The following JPH1 variants were observed in gnomAD, a reference collection of about 807,000 sequenced individuals.
JPH1 encodes junctophilin-1.
Under a neutral mutation model 53.6 loss-of-function variants are expected in JPH1, and 12 were observed. That is an observed-to-expected ratio of 0.22 (90% CI 0.14 to 0.36). JPH1 has a LOEUF of 0.36. Ranked by LOEUF, JPH1 falls within the 10% of genes least tolerant of loss-of-function variation. JPH1 has a pLI of 1.00. For missense variants in JPH1, 808 were observed against 905.5 expected (o/e 0.89, Z 1.38); for synonymous variants, 375 against 363.8 (o/e 1.03, Z -0.35).
intron 2 of JPH1, among the ~76,000 whole-genome samples, chr8:74,303,465 C>A (rs1232817216): frequency 1.3e-5 from 2 of 152,218 alleles, no homozygotes; most frequent in African/African-American, 4.8e-5. Flanking sequence ...ACTCAACCAG[C>A]CACAGGTCCT....
chr8:74,259,763 G>A (rs1485489994), intron 2 of JPH1, among the ~76,000 whole-genome samples: 1 of 152,210 alleles, frequency 6.6e-6, no homozygotes, highest in African/African-American at 2.4e-5. Context: ...TTGATGCTAA[G>A]TGTGGTTTTC....
At chr8:74,259,364 A>G in intron 3 of JPH1, 21 bp downstream of exon 3, 4 of 1,571,088 alleles carry the variant, frequency 2.5e-6, no homozygotes, top group Non-Finnish European at 3.5e-6. Context: ...TGCCTCACCC[A>G]TCAAAGGAGC....
intron 2 of JPH1, among the ~76,000 whole-genome samples, chr8:74,306,105 C>T (rs554144320): frequency 3.9e-5 from 6 of 152,278 alleles, no homozygotes; most frequent in East Asian, 1.9e-4. Flanking sequence ...CCATGTTATG[C>T]GTAATGACCC....
Position 74,236,015 on chromosome 8 carries a change from G to A in JPH1, c.*1036C>T, listed in dbSNP as rs1191146131. On this transcript the variant is annotated 3_prime_UTR_variant, in exon 6 of 6. Coordinates refer to ENST00000342232, the MANE Select transcript of JPH1 (RefSeq NM_020647.4). ...TTTTATTTGGTTGTAAAGTACGTCA[G>A]CAAAGAAACTGAATCCTTTAAACAC... 6.6e-6 allele frequency: 1 copy of A among 152,192 alleles called. No homozygotes were observed. Among genetic ancestry groups the A allele is most frequent in the Non-Finnish European group, 1.5e-5 (1 of 68,024 alleles). 9.4% of individuals were successfully genotyped at this position (152,192 alleles called of 1,614,324 possible).
At chr8:74,310,613 C>G (rs979776385) in intron 2 of JPH1, among the ~76,000 whole-genome samples, 1 of 152,160 alleles carries the variant, frequency 6.6e-6, no homozygotes, top group African/African-American at 2.4e-5. Context: ...AAACAAGCCT[C>G]CTGTATGTGT....
At position 74,292,693 on chromosome 8, in the gene JPH1, C is replaced by T. The variant is rs192737807; in HGVS notation, c.1139+22168G>A. On this transcript the variant is annotated intron_variant, in intron 2 of 5. Coordinates refer to ENST00000342232, the MANE Select transcript of JPH1 (RefSeq NM_020647.4). ...AAAGTAGTGTAAGGAGAATTTCCTA[C>T]CTAACTTTAATGTTATTTTCTCATA... 9.6e-3 allele frequency among the ~76,000 whole-genome samples: 1,465 copies of T among 152,150 alleles called. 18 individuals carry two copies. The highest frequency in any genetic ancestry group is 0.034 in the African/African-American group (1,401 of 41,504).
intron 2 of JPH1, among the ~76,000 whole-genome samples, chr8:74,275,809 A>G (rs1806830656): frequency 6.6e-6 from 1 of 152,202 alleles, no homozygotes. Context: ...TATGAGGCAG[A>G]CACACTTCCC....
intron 2 of JPH1, among the ~76,000 whole-genome samples, chr8:74,283,371 A>G (rs1279318841): frequency 1.3e-5 from 2 of 152,198 alleles, no homozygotes; most frequent in Non-Finnish European, 1.5e-5. Context: ...TACATAATCA[A>G]TGACATATAA....
chr8:74,240,345 A>T (rs1190134186), intron 4 of JPH1, among the ~76,000 whole-genome samples: 1 of 151,988 alleles, frequency 6.6e-6, no homozygotes, highest in Non-Finnish European at 1.5e-5. Context: ...ATCAAATACT[A>T]GATCTTATTT....
chr8:74,261,668 GTTCT>G (rs1806400077), intron 2 of JPH1, among the ~76,000 whole-genome samples: 1 of 152,080 alleles, frequency 6.6e-6, no homozygotes, highest in African/African-American at 2.4e-5. Flanking sequence ...CTCCGCTAAT[GTTCT>G]TTCAGTTTCT....
At chr8:74,239,983 ATTTTT>A (rs1167703981) in intron 4 of JPH1, among the ~76,000 whole-genome samples, 5 of 151,872 alleles carry the variant, frequency 3.3e-5, no homozygotes, top group Admixed American at 3.3e-4. Flanking sequence ...TAGTTATTTT[ATTTTT>A]TGAGGTGGAG....
intron 2 of JPH1, among the ~76,000 whole-genome samples, chr8:74,265,691 G>A (rs1187556850): frequency 3.3e-5 from 5 of 152,196 alleles, no homozygotes; most frequent in South Asian, 2.1e-4. Context: ...GCAACCCACC[G>A]AATGGGAGAA....
chr8:74,311,986 CTG>C (rs1808010938), intron 2 of JPH1, among the ~76,000 whole-genome samples: 1 of 152,090 alleles, frequency 6.6e-6, no homozygotes, highest in Non-Finnish European at 1.5e-5. Context: ...TTTTAAAAGA[CTG>C]TAGAACTCTA....
intron 2 of JPH1, among the ~76,000 whole-genome samples, chr8:74,276,484 C>G (rs1287409142): frequency 6.6e-6 from 1 of 152,190 alleles, no homozygotes; most frequent in African/African-American, 2.4e-5. Flanking sequence ...AAAGTACTAC[C>G]ATTGCAAAAA....
intron 2 of JPH1, among the ~76,000 whole-genome samples, chr8:74,277,242 G>A (rs1806874461): frequency 6.6e-6 from 1 of 152,090 alleles, no homozygotes; most frequent in Admixed American, 6.5e-5. Flanking sequence ...CTGTGCTCCC[G>A]CCATCTGGAG....
intron 2 of JPH1, among the ~76,000 whole-genome samples, chr8:74,300,189 G>T (rs558115225): frequency 0.011 from 1,603 of 152,286 alleles, 21 homozygotes; most frequent in African/African-American, 0.037. Context: ...CCAAGTAAAA[G>T]TCTTTGGAAC....
chr8:74,259,447 C>T lies in JPH1; in HGVS notation c.1196G>A (p.Arg399His), dbSNP rs150505162. The T allele has an allele frequency of 3.5e-5, 56 of 1,613,470 alleles. No homozygotes were observed. Among genetic ancestry groups the T allele is most frequent in the Admixed American group, 1.8e-4 (11 of 59,938 alleles). The change falls in exon 3 of 6, where the codon CGC becomes CAC. Residue 399 changes from arginine (R) to histidine (H), a missense_variant. Arg to His is a conservative substitution (Grantham distance 29). Coordinates refer to ENST00000342232, the MANE Select transcript of JPH1 (RefSeq NM_020647.4). ...DAADQAALAA[R>H]QECDIARAVA... ...AGCTCTCGCGATGTCGCACTCCTGG[C>T]GAGCGGCCAGCGCGGCCTGGTCGGC...
chr8:74,271,602 A>G (rs1332172513), intron 2 of JPH1, among the ~76,000 whole-genome samples: 1 of 152,260 alleles, frequency 6.6e-6, no homozygotes, highest in Non-Finnish European at 1.5e-5. Flanking sequence ...AGAACCCTGT[A>G]GCCATGAGGC....
At chr8:74,304,925 C>T (rs891430127) in intron 2 of JPH1, among the ~76,000 whole-genome samples, 5 of 152,104 alleles carry the variant, frequency 3.3e-5, no homozygotes, top group African/African-American at 9.7e-5. Context: ...AATCTTGATT[C>T]CTTACATATT....
Sources: gnomAD v4.1 joint callset for allele counts (sites outside exome capture counted in the v4.1 genomes callset) on GRCh38, gnomAD v4.1.1 for gene constraint, MANE v1.5 for transcripts, NCBI Gene and HGNC (gene_info 2026-07-23, HGNC 2026-07-21) for gene names.